Variants in UNC45A observed in about 807,000 individuals in gnomAD.
The protein encoded by UNC45A is protein unc-45 homolog A.
Under a neutral mutation model 103.2 loss-of-function variants are expected in UNC45A, and 78 were observed. The ratio of observed to expected loss-of-function variants is 0.76; its 90% confidence interval spans 0.63 to 0.91. The LOEUF (loss-of-function observed/expected upper bound fraction) is 0.91, where lower values mean the gene tolerates loss of function less well. UNC45A is among the 40% of genes least tolerant of loss of function. UNC45A has a pLI of 0.00. For synonymous variants in UNC45A, 495 were observed against 504.6 expected, an observed-to-expected ratio of 0.98 and a Z score of 0.25; for missense variants, 1,193 against 1,224.8, an observed-to-expected ratio of 0.97 and a Z score of 0.39.
intron 6 of UNC45A, chr15:90,940,836 C>G (rs1596218699): frequency 6.3e-6 from 1 of 159,132 alleles, no homozygotes; most frequent in Non-Finnish European, 1.4e-5. Context: ...TTGCTTGAAC[C>G]CAGGAGGTGG....
chr15:90,936,531 C>G, intron 4 of UNC45A, 71 bp downstream of exon 4: 1 of 1,523,888 alleles, frequency 6.6e-7, no homozygotes. Context: ...GGTGTAGACA[C>G]AGTTCTCCAG....
upstream of UNC45A, chr15:90,935,237 G>A (rs1253052490): frequency 3.8e-5 from 51 of 1,338,186 alleles, no homozygotes; most frequent in Non-Finnish European, 5.1e-5. Flanking sequence ...GCAAGAGTGG[G>A]GCGGGGCAGC....
At position 90,949,853 on chromosome 15, in the gene UNC45A, C is replaced by A. The variant is rs60032702; in HGVS notation, c.2073+133C>A. ...ATTAATGGCCAGAGGAACACCGTCCCGCTGAGAGAGTGACGCGGAAGCAGG... is the reference window on the plus strand; with the variant it reads ...ATTAATGGCCAGAGGAACACCGTCCAGCTGAGAGAGTGACGCGGAAGCAGG... On this transcript the variant is annotated intron_variant, in intron 15 of 19. Transcript: ENST00000418476. 1.6e-3 allele frequency: 1,610 copies of A among 995,112 alleles called. 32 individuals carry two copies. The African/African-American group carries it at 0.024, about 15-fold the overall frequency. The allele number at this position is 995,112 out of a possible 1,614,324, so 61.6% of individuals were successfully genotyped here. A position where few individuals can be genotyped will look rare whatever the true frequency, so the allele number is the denominator to read the frequency against.
chr15:90,939,590 C>G lies in UNC45A; in HGVS notation c.427-141C>G, dbSNP rs1375626201. 1.2e-5 allele frequency: 9 copies of G among 761,480 alleles called. No homozygotes were observed. In the African/African-American group the frequency reaches 1.6e-4, roughly 13 times the overall value. The allele number at this position is 761,480 out of a possible 1,614,324, so 47.2% of individuals were successfully genotyped here. On this transcript the variant is annotated intron_variant, in intron 4 of 19. Transcript: ENST00000418476. Reference sequence around the variant, plus strand: ...CACTGCCAGGCAAGTCTCTTCCTGCCCAGGGTAGCTAGGTGCTAGCCCTGA... The same window carrying G: ...CACTGCCAGGCAAGTCTCTTCCTGCGCAGGGTAGCTAGGTGCTAGCCCTGA...
At chr15:90,937,053 A>G (rs2036057659) in intron 4 of UNC45A, among the ~76,000 whole-genome samples, 1 of 152,244 alleles carries the variant, frequency 6.6e-6, no homozygotes, top group Non-Finnish European at 1.5e-5. Flanking sequence ...TTGAATGAAC[A>G]AAGCAAAATA....
In UNC45A at chr15:90,942,559, A is replaced by G. The variant is rs200987825; in HGVS notation, c.810A>G (p.Glu270=). 2 of 1,614,056 alleles carry G rather than the reference A, an allele frequency of 1.2e-6. No homozygotes were observed. The highest frequency in any genetic ancestry group is 1.7e-6 in the Non-Finnish European group (2 of 1,180,038). ...AGGTTATGTTTGATGCCCTCAAGGA[A>G]GGTGTCAAAAAAGGCTTCCGAGGCA... ...LLQVMFDALK[E]GVKKGFRGKE... Residue 270 remains glutamate, a synonymous_variant, in exon 7 of 20, where the codon GAA becomes GAG. Transcript: ENST00000418476.
At chr15:90,949,004 G>A (rs1324745639) in intron 13 of UNC45A, among the ~76,000 whole-genome samples, 1 of 151,060 alleles carries the variant, frequency 6.6e-6, no homozygotes, top group Non-Finnish European at 1.5e-5. Context: ...AGCCTCCCGA[G>A]TAGCTGGGAC....
At chr15:90,932,761 G>T (rs946151008), upstream of UNC45A, 9 of 393,066 alleles carry the variant, frequency 2.3e-5, no homozygotes, top group African/African-American at 6.2e-5. Context: ...GTGCTCTGTT[G>T]GGGGTGCAAG....
chr15:90,938,624 G>C (rs1205071239), intron 4 of UNC45A, among the ~76,000 whole-genome samples: 3 of 152,064 alleles, frequency 2.0e-5, no homozygotes, highest in Non-Finnish European at 4.4e-5. Flanking sequence ...AGGACTCTGG[G>C]GGGTGGGGGA....
rs200307245 is a variant in UNC45A, at chr15:90,945,059, A to T, written c.1195A>T (p.Ile399Phe). 14 of 1,612,480 alleles carry T rather than the reference A, an allele frequency of 8.7e-6. No individual in the cohort carries two copies. The highest frequency in any genetic ancestry group is 1.2e-5 in the Non-Finnish European group (14 of 1,179,904). ...TTTCCACAGACTTTGTGAAAACTAC[A>T]TCAAGTAAGGAAGTCTGTTTCACCT... ...ENFHRLCENY[I>F]KSWFEGQGLA... The change falls in exon 9 of 20, where the codon ATC (isoleucine) becomes TTC (phenylalanine). Residue 399 changes from isoleucine (I) to phenylalanine (F), a missense_variant. Coordinates refer to ENST00000418476, the MANE Select transcript of UNC45A (RefSeq NM_018671.5).
chr15:90,932,035 C>T (rs111756313), upstream of UNC45A: 7,886 of 1,613,878 alleles, frequency 4.9e-3, 186 homozygotes, highest in African/African-American at 0.071. Flanking sequence ...AGGCTCCTGG[C>T]AGAGAAGGGG....
chr15:90,931,115 G>T, upstream of UNC45A: 1 of 810,218 alleles, frequency 1.2e-6, no homozygotes, highest in Non-Finnish European at 1.9e-6. Flanking sequence ...AGCTTAGTTA[G>T]CAGGAGACCT....
At position 90,946,934 on chromosome 15, in the gene UNC45A, G is replaced by GGGC; in HGVS notation, c.1500+20_1500+21insGGC. On this transcript the variant is annotated intron_variant, in intron 10 of 19. Transcript: ENST00000418476. ...CTAGTGGTGAGACGGTGGGCCTGGGGTGGGTGGGCAGGCAGCCAGGCAGGG... is the reference window on the plus strand; with the variant it reads ...CTAGTGGTGAGACGGTGGGCCTGGGGGGCTGGGTGGGCAGGCAGCCAGGCAGGG... 1 of 1,565,312 alleles carries GGGC rather than the reference G, an allele frequency of 6.4e-7. No homozygotes were observed. Among genetic ancestry groups the GGGC allele is most frequent in the East Asian group, 2.3e-5 (1 of 43,846 alleles).
At chr15:90,945,464 C>T (rs549511818) in intron 9 of UNC45A, among the ~76,000 whole-genome samples, 8 of 151,700 alleles carry the variant, frequency 5.3e-5, no homozygotes, top group South Asian at 2.1e-4. Flanking sequence ...AGGGTTCAAG[C>T]GATTCTCCTG....
At chr15:90,936,691 G>A (rs1212097356) in intron 4 of UNC45A, among the ~76,000 whole-genome samples, 6 of 152,212 alleles carry the variant, frequency 3.9e-5, no homozygotes, top group Non-Finnish European at 5.9e-5. Context: ...CACATCAGTG[G>A]TGAGGCTGGG....
chr15:90,932,063 C>T (rs1187006186), upstream of UNC45A: 4 of 1,612,574 alleles, frequency 2.5e-6, no homozygotes, highest in Non-Finnish European at 3.4e-6. Flanking sequence ...ACCTGTAACA[C>T]CACAATGTCA....
intron 2 of UNC45A, 39 bp downstream of exon 2, chr15:90,935,744 C>G: frequency 1.3e-6 from 2 of 1,528,330 alleles, no homozygotes; most frequent in Non-Finnish European, 1.8e-6. Context: ...CCCGCCCGGG[C>G]CCCGGTTCGC....
At chr15:90,932,085 C>T, upstream of UNC45A, 2 of 1,607,982 alleles carry the variant, frequency 1.2e-6, no homozygotes, top group South Asian at 2.2e-5. Flanking sequence ...TGATTCCCGC[C>T]TCGTGGGTCA....
chr15:90,951,811 G>A (rs996910753), intron 17 of UNC45A, among the ~76,000 whole-genome samples: 3 of 152,196 alleles, frequency 2.0e-5, no homozygotes, highest in East Asian at 1.9e-4. Flanking sequence ...CCAGCTACTC[G>A]AGAGGCTGAG....
Sources: gnomAD v4.1 joint callset for allele counts (sites outside exome capture counted in the v4.1 genomes callset) on GRCh38, gnomAD v4.1.1 for gene constraint, MANE v1.5 for transcripts, NCBI Gene and HGNC (gene_info 2026-07-23, HGNC 2026-07-21) for gene names.